RAD54B: variants seen among roughly 807,000 people sequenced by gnomAD.
RAD54B encodes DNA repair and recombination protein RAD54B.
Under a neutral mutation model 95.8 loss-of-function variants are expected in RAD54B, and 78 were observed. The ratio of observed to expected loss-of-function variants is 0.81; its 90% CI spans 0.68 to 0.98. The LOEUF is 0.98. Among genes scored for constraint, RAD54B ranks in the 50% least tolerant of loss-of-function variants. RAD54B has a pLI of 0.00. For missense variants in RAD54B, 957 were observed against 1,056.6 expected (o/e 0.91, Z 1.31); for synonymous variants, 328 against 354.9 (o/e 0.92, Z 0.85).
intron 14 of RAD54B, among the ~76,000 whole-genome samples, chr8:94,374,124 A>G (rs1057513467): frequency 4.1e-4 from 63 of 152,236 alleles, no homozygotes; most frequent in African/African-American, 1.5e-3. Flanking sequence ...CTAAAAACAC[A>G]AAAAATTAGC....
chr8:94,462,297 T>TA (rs1367485158), intron 2 of RAD54B, among the ~76,000 whole-genome samples: 1 of 152,176 alleles, frequency 6.6e-6, no homozygotes, highest in Non-Finnish European at 1.5e-5. Context: ...TGTGAGGAGA[T>TA]ACTTGAATAT....
At chr8:94,436,152 GA>G (rs943875639) in intron 3 of RAD54B, among the ~76,000 whole-genome samples, 1 of 151,690 alleles carries the variant, frequency 6.6e-6, no homozygotes, top group African/African-American at 2.4e-5. Context: ...TCTTAAATGA[GA>G]AAAAAAGTAT....
intron 3 of RAD54B, among the ~76,000 whole-genome samples, chr8:94,442,660 C>T (rs1267382830): frequency 6.8e-6 from 1 of 148,102 alleles, no homozygotes. Context: ...CTATAGTCAA[C>T]AACAATTTAT....
rs541713210 is a variant in RAD54B, at chr8:94,376,777, A to C, written c.2515+1403T>G. On this transcript the variant is annotated intron_variant, in intron 14 of 14. Transcript: ENST00000336148. Reference sequence around the variant, plus strand: ...ATATGACATATAACTAATAAATATAATCATATATAATTTATATGACAAATA... The same window carrying C: ...ATATGACATATAACTAATAAATATACTCATATATAATTTATATGACAAATA... Among the ~76,000 whole-genome samples the C allele has an allele frequency of 5.4e-5, 8 of 149,116 alleles. 1 individual carries two copies. The South Asian group carries it at 1.7e-3, about 31-fold the overall frequency.
rs761401614 is a variant in RAD54B, at chr8:94,372,137, G to C, written c.*33C>G. ...TTAATTACCATACTAATTTTCAAAA[G>C]AAGAGCAATGGAATGTCAGAAGTAA... On this transcript the variant is annotated 3_prime_UTR_variant, in exon 15 of 15. Coordinates refer to ENST00000336148, the MANE Select transcript of RAD54B (RefSeq NM_012415.3). 5.2e-6 allele frequency: 8 copies of C among 1,553,140 alleles called. No homozygotes were observed. The highest frequency in any genetic ancestry group is 1.4e-5 in the African/African-American group (1 of 71,980).
intron 5 of RAD54B, among the ~76,000 whole-genome samples, chr8:94,406,079 C>T (rs775946767): frequency 2.0e-5 from 3 of 151,680 alleles, no homozygotes; most frequent in Non-Finnish European, 4.4e-5. Context: ...ATCACATACA[C>T]ACAACACATA....
At chr8:94,382,437 TGTCA>T (rs1810767473) in intron 11 of RAD54B, among the ~76,000 whole-genome samples, 1 of 152,156 alleles carries the variant, frequency 6.6e-6, no homozygotes, top group Non-Finnish European at 1.5e-5. Flanking sequence ...CAAGGGAAGT[TGTCA>T]GTCAAGTGCT....
intron 2 of RAD54B, among the ~76,000 whole-genome samples, chr8:94,466,705 C>A (rs571949712): frequency 5.9e-5 from 9 of 152,148 alleles, no homozygotes; most frequent in Non-Finnish European, 1.2e-4. Flanking sequence ...CTGCACCCAG[C>A]CAGTATTCAC....
chr8:94,391,469 C>A (rs1173681619), intron 10 of RAD54B, 140 bp downstream of exon 10: 2 of 777,656 alleles, frequency 2.6e-6, no homozygotes, highest in Non-Finnish European at 3.9e-6. Flanking sequence ...AGCTCTACAG[C>A]AGAACCATAC....
intron 14 of RAD54B, among the ~76,000 whole-genome samples, chr8:94,376,659 CAT>C: frequency 6.7e-6 from 1 of 149,680 alleles, no homozygotes; most frequent in South Asian, 2.1e-4. Flanking sequence ...AAAATATATA[CAT>C]ATTTTAACTA....
intron 3 of RAD54B, among the ~76,000 whole-genome samples, chr8:94,421,874 C>A (rs1280695593): frequency 1.3e-5 from 2 of 152,194 alleles, no homozygotes; most frequent in Non-Finnish European, 2.9e-5. Flanking sequence ...CACCTCTATT[C>A]TCTAAAACCG....
chr8:94,437,008 T>C (rs1487130050), intron 3 of RAD54B: 15 of 1,386,738 alleles, frequency 1.1e-5, no homozygotes, highest in Non-Finnish European at 1.4e-5. Context: ...GGAGGGTTTA[T>C]TAAAATTCCT....
intron 11 of RAD54B, among the ~76,000 whole-genome samples, chr8:94,386,273 C>T (rs1429328327): frequency 6.6e-6 from 1 of 151,992 alleles, no homozygotes; most frequent in Non-Finnish European, 1.5e-5. Flanking sequence ...AAAAGTGAGT[C>T]TATAATAATT....
intron 11 of RAD54B, among the ~76,000 whole-genome samples, chr8:94,383,150 T>G (rs1431393423): frequency 1.3e-5 from 2 of 151,700 alleles, no homozygotes; most frequent in Non-Finnish European, 1.5e-5. Context: ...TAAAAAAAAT[T>G]AGCATCCCCC....
rs574569954 is a variant in RAD54B, at chr8:94,413,824, A to T, written c.305-2509T>A. On this transcript the variant is annotated intron_variant, in intron 3 of 14. Coordinates refer to ENST00000336148, the MANE Select transcript of RAD54B (RefSeq NM_012415.3). ...CAAAGGTCTTGTATCCAGAATAATT[A>T]TTCTTTTTTTTTTTTCTTTTTTTTT... 1.5e-3 allele frequency among the ~76,000 whole-genome samples: 199 copies of T among 131,910 alleles called. 1 individual carries two copies. The highest frequency in any genetic ancestry group is 2.6e-3 in the Non-Finnish European group (164 of 63,132). The allele number at this position is 131,910 out of a possible 152,430, so 86.5% of individuals were successfully genotyped here. A position where few individuals can be genotyped will look rare whatever the true frequency, so the allele number is the denominator to read the frequency against.
Position 94,407,526 on chromosome 8 carries a change from A to G in RAD54B, c.694T>C (p.Phe232Leu), listed in dbSNP as rs971378088. The change falls in exon 5 of 15, where the codon TTC becomes CTC. Residue 232 changes from phenylalanine (F) to leucine (L), a missense_variant. Physicochemically the swap from Phe to Leu is conservative, Grantham distance 22 (BLOSUM62 0). Coordinates refer to ENST00000336148, the MANE Select transcript of RAD54B (RefSeq NM_012415.3). ...GAACTTGGTTTACAAACACTTTTGAAAGGGTTAGAGAAACATTTCCTGGCA... is the reference window on the plus strand; with the variant it reads ...GAACTTGGTTTACAAACACTTTTGAGAGGGTTAGAGAAACATTTCCTGGCA... ...QVARKCFSNP[F>L]KSVCKPSSKE... The G allele has an allele frequency of 4.3e-6, 7 of 1,613,898 alleles. No homozygotes were observed. The highest frequency in any genetic ancestry group is 5.1e-6 in the Non-Finnish European group (6 of 1,179,922).
In RAD54B at chr8:94,407,583, C is replaced by T. The variant is rs931804254; in HGVS notation, c.637G>A (p.Gly213Arg). The change falls in exon 5 of 15, where the codon GGA becomes AGA. Residue 213 changes from glycine to arginine, a missense_variant. Coordinates refer to ENST00000336148, the MANE Select transcript of RAD54B (RefSeq NM_012415.3). ...GAAGAATGCGAGATAGCAGTACTTC[C>T]TCCTCCAAGCTGAAAACACCTGCCA... is the stretch of plus-strand genomic sequence containing the variant. Reference protein sequence around the residue: ...SSGRCFQLGGGSTAISHSSQV... With the variant: ...SSGRCFQLGGRSTAISHSSQV... The T allele has an allele frequency of 2.5e-6, 4 of 1,613,870 alleles. No individual in the cohort carries two copies. The African/African-American group carries it at 5.3e-5, about 22-fold the overall frequency.
chr8:94,428,284 T>G (rs1381484580), intron 3 of RAD54B: 2 of 978,326 alleles, frequency 2.0e-6, no homozygotes, highest in African/African-American at 3.5e-5. Context: ...CAGCATTACA[T>G]TTTGTAATTA....
At chr8:94,424,259 T>C (rs1441557969) in intron 3 of RAD54B, among the ~76,000 whole-genome samples, 1 of 152,238 alleles carries the variant, frequency 6.6e-6, no homozygotes, top group Admixed American at 6.5e-5. Flanking sequence ...ACTAGCTCTA[T>C]GACCCTATAT....
Sources: gnomAD v4.1 joint callset for allele counts (sites outside exome capture counted in the v4.1 genomes callset) on GRCh38, gnomAD v4.1.1 for gene constraint, MANE v1.5 for transcripts, NCBI Gene and HGNC (gene_info 2026-07-23, HGNC 2026-07-21) for gene names.